The following SEMA3E variants were observed in gnomAD, a reference collection of about 807,000 sequenced individuals.
The protein encoded by SEMA3E is semaphorin-3E.
In SEMA3E, 49 loss-of-function variants were observed where a neutral mutation model predicts 93.6. That is an observed-to-expected ratio of 0.52 (90% CI 0.42 to 0.66). The LOEUF (loss-of-function observed/expected upper bound fraction) is 0.66. SEMA3E is among the 30% of genes least tolerant of loss of function. The pLI is 0.00. For missense variants in SEMA3E, 906 were observed against 964.8 expected (o/e 0.94, Z 0.81); for synonymous variants, 363 against 330.7 (o/e 1.10, Z -1.06).
intron 14 of SEMA3E, among the ~76,000 whole-genome samples, chr7:83,390,983 A>G (rs1788008235): frequency 6.6e-6 from 1 of 152,208 alleles, no homozygotes. Context: ...CCTGTCATTC[A>G]TAAGCATTTG....
intron 4 of SEMA3E, among the ~76,000 whole-genome samples, chr7:83,433,136 CT>C (rs1584245712): frequency 6.6e-6 from 1 of 152,026 alleles, no homozygotes; most frequent in Non-Finnish European, 1.5e-5. Flanking sequence ...GGGCTTTGCA[CT>C]AGTACCAAAC....
chr7:83,507,952 A>G (rs1214121125), intron 1 of SEMA3E, among the ~76,000 whole-genome samples: 1 of 152,100 alleles, frequency 6.6e-6, no homozygotes, highest in Non-Finnish European at 1.5e-5. Context: ...CCTGTCTCAC[A>G]AAAAACAAAA....
At chr7:83,610,293 T>C (rs997047923) in intron 1 of SEMA3E, among the ~76,000 whole-genome samples, 1 of 152,114 alleles carries the variant, frequency 6.6e-6, no homozygotes, top group Non-Finnish European at 1.5e-5. Context: ...GAATATACTT[T>C]GAATGTGTGT....
intron 6 of SEMA3E, 75 bp from the exon 7 acceptor site, chr7:83,407,314 T>C: frequency 8.0e-7 from 1 of 1,246,328 alleles, no homozygotes. Context: ...TCCAATAAAT[T>C]GTATATCATC....
intron 1 of SEMA3E, among the ~76,000 whole-genome samples, chr7:83,530,629 C>A (rs773443789): frequency 6.6e-6 from 1 of 152,160 alleles, no homozygotes; most frequent in Non-Finnish European, 1.5e-5. Flanking sequence ...GTAATCCCAA[C>A]ACTTTGGGAG....
At chr7:83,479,820 T>C (rs1327381271) in intron 2 of SEMA3E, among the ~76,000 whole-genome samples, 1 of 152,210 alleles carries the variant, frequency 6.6e-6, no homozygotes, top group Non-Finnish European at 1.5e-5. Flanking sequence ...GTCTCTGCTC[T>C]CTTCAAAAAG....
At chr7:83,403,139 C>T (rs1788262746) in intron 9 of SEMA3E, among the ~76,000 whole-genome samples, 1 of 151,838 alleles carries the variant, frequency 6.6e-6, no homozygotes, top group Middle Eastern at 3.2e-3. Flanking sequence ...GATATTATCT[C>T]CTTTTATGTT....
intron 4 of SEMA3E, among the ~76,000 whole-genome samples, chr7:83,441,261 GA>G: frequency 6.6e-6 from 1 of 152,176 alleles, no homozygotes; most frequent in East Asian, 1.9e-4. Flanking sequence ...GGATGAAAAG[GA>G]AAAAAGTAGA....
At chr7:83,480,179 G>A (rs1046442998) in intron 2 of SEMA3E, among the ~76,000 whole-genome samples, 2 of 152,254 alleles carry the variant, frequency 1.3e-5, no homozygotes, top group African/African-American at 4.8e-5. Flanking sequence ...AGTGGCTCAC[G>A]CCTGTAATCC....
chr7:83,430,986 A>G (rs1187334269), intron 4 of SEMA3E, among the ~76,000 whole-genome samples: 1 of 152,174 alleles, frequency 6.6e-6, no homozygotes, highest in Non-Finnish European at 1.5e-5. Context: ...AACAAAATAG[A>G]AAAGGAAGTG....
intron 1 of SEMA3E, among the ~76,000 whole-genome samples, chr7:83,563,875 T>C (rs1792086040): frequency 6.6e-6 from 1 of 152,182 alleles, no homozygotes; most frequent in Non-Finnish European, 1.5e-5. Flanking sequence ...TTAATACCTG[T>C]CTGAAATGGT....
chr7:83,458,408 C>G (rs1407288238), intron 4 of SEMA3E, among the ~76,000 whole-genome samples: 2 of 151,730 alleles, frequency 1.3e-5, no homozygotes. Flanking sequence ...TAGACAAAGA[C>G]TAAAGAGATT....
At chr7:83,371,153 GATCA>G (rs1332343136) in intron 16 of SEMA3E, among the ~76,000 whole-genome samples, 3 of 152,166 alleles carry the variant, frequency 2.0e-5, no homozygotes, top group Non-Finnish European at 4.4e-5. Flanking sequence ...TCATGTGAAA[GATCA>G]ATCTCAGTGT....
At chr7:83,587,234 T>C (rs1473127315) in intron 1 of SEMA3E, among the ~76,000 whole-genome samples, 1 of 152,154 alleles carries the variant, frequency 6.6e-6, no homozygotes, top group East Asian at 1.9e-4. Context: ...TTTAACCAAT[T>C]TGAGGCTTGT....
chr7:83,534,353 T>C (rs1337117776), intron 1 of SEMA3E, among the ~76,000 whole-genome samples: 2 of 152,194 alleles, frequency 1.3e-5, no homozygotes, highest in East Asian at 3.9e-4. Flanking sequence ...AGCACCACTC[T>C]AGAGGTTTTT....
chr7:83,614,451 G>C (rs1793325510), intron 1 of SEMA3E, among the ~76,000 whole-genome samples: 1 of 152,064 alleles, frequency 6.6e-6, no homozygotes, highest in African/African-American at 2.4e-5. Flanking sequence ...TTATTTGTGT[G>C]CAGAGAAAAT....
chr7:83,533,531 G>A (rs1242624904), intron 1 of SEMA3E, among the ~76,000 whole-genome samples: 1 of 151,632 alleles, frequency 6.6e-6, no homozygotes, highest in African/African-American at 2.4e-5. Context: ...GCGACAGAGT[G>A]AGACCGTTTC....
At chr7:83,561,331 A>T (rs1465502910) in intron 1 of SEMA3E, among the ~76,000 whole-genome samples, 6 of 152,114 alleles carry the variant, frequency 3.9e-5, no homozygotes, top group Non-Finnish European at 1.5e-5. Flanking sequence ...TCTATTCTCC[A>T]TGTGCGATAA....
Position 83,490,234 on chromosome 7 carries a change from A to C in SEMA3E, c.156T>G (p.Pro52=). The C allele has an allele frequency of 6.2e-7, 1 of 1,612,844 alleles. No homozygotes were observed. Among genetic ancestry groups the C allele is most frequent in the South Asian group, 1.1e-5 (1 of 91,060 alleles). The change falls in exon 2 of 17, where the codon CCT becomes CCG. Residue 52 remains proline, a synonymous_variant. Coordinates refer to ENST00000643230, the MANE Select transcript of SEMA3E (RefSeq NM_012431.3). Reference sequence around the variant, plus strand: ...TTGTATGGAGATCAAGAAATCCAAAAGGGCTATGAAATATTGATGTTCTGT... The same window carrying C: ...TTGTATGGAGATCAAGAAATCCAAACGGGCTATGAAATATTGATGTTCTGT... The part of the protein sequence containing the change: ...NLNRTSIFHS[P]FGFLDLHTML...
Sources: gnomAD v4.1 joint callset for allele counts (sites outside exome capture counted in the v4.1 genomes callset) on GRCh38, gnomAD v4.1.1 for gene constraint, MANE v1.5 for transcripts, NCBI Gene and HGNC (gene_info 2026-07-23, HGNC 2026-07-21) for gene names.